The following CHEK2 variants were observed in gnomAD, a reference collection of about 807,000 sequenced individuals.
The protein encoded by CHEK2 is checkpoint kinase 2.
CHEK2 carries 71 observed loss-of-function variants against 69.1 expected under a neutral mutation model. The observed-to-expected ratio is 1.03, with a 90% confidence interval of 0.85 to 1.25. CHEK2 has a LOEUF of 1.25. Among genes scored for constraint, CHEK2 ranks in the 50% most tolerant of loss-of-function variants. The pLI, the probability that CHEK2 is intolerant of heterozygous loss-of-function variation, is 0.00. For missense variants in CHEK2, 664 were observed against 649.6 expected (o/e 1.02, Z -0.24); for synonymous variants, 189 against 226.9 (o/e 0.83, Z 1.50).
intron 7 of CHEK2, among the ~76,000 whole-genome samples, chr22:28,706,342 C>T (rs1464412484): frequency 2.6e-5 from 4 of 151,924 alleles, no homozygotes; most frequent in Non-Finnish European, 4.4e-5. Context: ...AGGGACAGTA[C>T]ACACAGCATT....
At position 28,699,937 on chromosome 22, in the gene CHEK2, C is replaced by G. The variant is rs786202256; in HGVS notation, c.909G>C (p.Leu303Phe). 6.2e-7 allele frequency: 1 copy of G among 1,611,974 alleles called. No homozygotes were observed. Among genetic ancestry groups the G allele is most frequent in the Non-Finnish European group, 8.5e-7 (1 of 1,178,444 alleles). ...DAEDYYIVLE[L>F]MEGGELFDKV... ...TGTCAAACAGCTCTCCCCCTTCCAT[C>G]CTGAAACACAAAGGCAAGGCAAGGG... The change falls in exon 9 of 15, where the codon TTG (leucine) becomes TTC (phenylalanine). Residue 303 changes from leucine (L) to phenylalanine (F), a missense_variant and splice_region_variant. Leu to Phe is a conservative substitution (Grantham distance 22). Coordinates refer to ENST00000404276, the MANE Select transcript of CHEK2 (RefSeq NM_007194.4).
chr22:28,730,456 C>G, intron 2 of CHEK2: 1 of 697,066 alleles, frequency 1.4e-6, no homozygotes. Context: ...TGCCTCACAC[C>G]TCTTATCCCA....
At chr22:28,699,599 G>A (rs1046561515) in intron 9 of CHEK2, among the ~76,000 whole-genome samples, 10 of 151,838 alleles carry the variant, frequency 6.6e-5, no homozygotes, top group African/African-American at 2.2e-4. Flanking sequence ...TCTTGACCTC[G>A]TGATCCGCCC....
chr22:28,699,453 C>T (rs2145837786), intron 9 of CHEK2, among the ~76,000 whole-genome samples: 1 of 149,782 alleles, frequency 6.7e-6, no homozygotes, highest in Admixed American at 6.7e-5. Context: ...GCAACCTCCA[C>T]CTCCCAGTTC....
intron 4 of CHEK2, among the ~76,000 whole-genome samples, chr22:28,723,921 G>A (rs1194563517): frequency 1.3e-5 from 2 of 151,936 alleles, no homozygotes; most frequent in Non-Finnish European, 2.9e-5. Flanking sequence ...GGGAGACAGA[G>A]TGAGACCATG....
intron 9 of CHEK2, among the ~76,000 whole-genome samples, chr22:28,697,583 T>C (rs1296955665): frequency 4.0e-5 from 6 of 151,898 alleles, no homozygotes. Context: ...TTTTTTTTTT[T>C]TCTTGAAACA....
At chr22:28,732,809 G>A (rs1022290669) in intron 2 of CHEK2, among the ~76,000 whole-genome samples, 4 of 151,916 alleles carry the variant, frequency 2.6e-5, no homozygotes, top group Non-Finnish European at 4.4e-5. Context: ...CAATGTAAGC[G>A]AAAGGAAAAA....
chr22:28,710,205 T>C, intron 6 of CHEK2, 146 bp from the exon 7 acceptor site: 1 of 599,520 alleles, frequency 1.7e-6, no homozygotes, highest in South Asian at 1.9e-5. Flanking sequence ...CCCAGGTCAA[T>C]GACTTAAATA....
At chr22:28,709,974 A>C (rs1462959508) in intron 7 of CHEK2, 32 bp downstream of exon 7, 6 of 1,184,810 alleles carry the variant, frequency 5.1e-6, no homozygotes, top group Non-Finnish European at 7.5e-6. Context: ...GAGATAGATA[A>C]ATCTAAGTAT....
At chr22:28,694,505 C>T (rs761015986) in intron 12 of CHEK2, among the ~76,000 whole-genome samples, 16 of 152,140 alleles carry the variant, frequency 1.1e-4, no homozygotes, top group Admixed American at 2.0e-4. Context: ...GGGAGAGGCT[C>T]CCTGGAACTG....
chr22:28,704,532 C>T (rs1252091977), intron 7 of CHEK2, among the ~76,000 whole-genome samples: 1 of 152,048 alleles, frequency 6.6e-6, no homozygotes, highest in Non-Finnish European at 1.5e-5. Flanking sequence ...AGGGTTTCAC[C>T]ATGTTGGCCA....
At chr22:28,725,210 G>C (rs2146064967) in intron 3 of CHEK2, 33 bp downstream of exon 3, 1 of 1,613,928 alleles carries the variant, frequency 6.2e-7, no homozygotes, top group Non-Finnish European at 8.5e-7. Context: ...CAAATTACCA[G>C]CTCTCCTAGA....
In CHEK2 at chr22:28,697,005, C is replaced by G. The variant is rs757393834; in HGVS notation, c.1009-18G>C. On this transcript the variant is annotated intron_variant, in intron 9 of 14. Transcript: ENST00000404276. ...TGAAGGTACTACACAGAAAGGCAGG[C>G]ATGACCCTCAGATTCATGCAGTAGA... 6.6e-7 allele frequency: 1 copy of G among 1,520,174 alleles called. No individual in the cohort carries two copies. The highest frequency in any genetic ancestry group is 1.1e-5 in the South Asian group (1 of 89,188). The allele number at this position is 1,520,174 out of a possible 1,614,324, so 94.2% of individuals were successfully genotyped here. A position where few individuals can be genotyped will look rare whatever the true frequency, so the allele number is the denominator to read the frequency against.
At chr22:28,695,613 G>A in intron 11 of CHEK2, 97 bp downstream of exon 11, 1 of 976,508 alleles carries the variant, frequency 1.0e-6, no homozygotes, top group Non-Finnish European at 1.6e-6. Context: ...CCAAGATCAA[G>A]CCACTGCATG....
rs139587674 is a variant in CHEK2 at position 28,741,456 on chromosome 22, G to C, written c.-7+313C>G. On this transcript the variant is annotated intron_variant, in intron 1 of 14. Coordinates refer to ENST00000404276, the MANE Select transcript of CHEK2 (RefSeq NM_007194.4). Reference sequence around the variant, plus strand: ...CTGGCTTCTCTATAAGTATTTTATAGATTGAACCTAAAGAATGGCAACGAT... The same window carrying C: ...CTGGCTTCTCTATAAGTATTTTATACATTGAACCTAAAGAATGGCAACGAT... Among the ~76,000 whole-genome samples, 1,160 of 152,092 alleles carry C rather than the reference G, an allele frequency of 7.6e-3. 15 individuals are homozygous for C. The highest frequency in any genetic ancestry group is 0.027 in the African/African-American group (1,120 of 41,504).
chr22:28,696,879 A>G, intron 10 of CHEK2, 22 bp downstream of exon 10: 4 of 1,509,098 alleles, frequency 2.7e-6, no homozygotes, highest in Non-Finnish European at 3.7e-6. Context: ...GAATAGCCAC[A>G]TACAGAATGC....
At chr22:28,713,362 C>CT (rs200104960) in intron 5 of CHEK2, among the ~76,000 whole-genome samples, 6,441 of 140,688 alleles carry the variant, frequency 0.046, 163 homozygotes, top group Middle Eastern at 0.071. Context: ...TACAAGTTTT[C>CT]TTTTTTTTTT....
In CHEK2 at chr22:28,695,216, T is replaced by C. The variant is rs587782299; in HGVS notation, c.1286A>G (p.Glu429Gly). The C allele has an allele frequency of 6.2e-7, 1 of 1,612,024 alleles. No individual in the cohort carries two copies. Residue 429 changes from glutamate (E) to glycine (G), a missense_variant, in exon 12 of 15, where the codon GAG becomes GGG. Physicochemically the swap from Glu to Gly is moderately conservative, Grantham distance 98 (BLOSUM62 -2). Transcript: ENST00000404276. ...CTTCAGTGACACTTGAGTCCTATGC[T>C]CAGAGAAAGGTGGATACCCACTAAG... ...ICLSGYPPFS[E>G]HRTQVSLKDQ...
chr22:28,698,441 G>C (rs1484178463), intron 9 of CHEK2, among the ~76,000 whole-genome samples: 1 of 151,926 alleles, frequency 6.6e-6, no homozygotes, highest in Non-Finnish European at 1.5e-5. Flanking sequence ...TTGTGTTTAT[G>C]GGCTTCAATC....
Sources: allele counts gnomAD v4.1 joint callset (sites outside exome capture counted in the v4.1 genomes callset), GRCh38; gene constraint gnomAD v4.1.1; transcripts MANE v1.5; gene names NCBI Gene and HGNC (gene_info 2026-07-23, HGNC 2026-07-21).